The following C18orf54 variants were observed in gnomAD, a reference collection of about 807,000 sequenced individuals.
The protein encoded by C18orf54 is lung adenoma susceptibility protein 2.
In C18orf54, 49 loss-of-function variants were observed where a neutral mutation model predicts 49.3. The observed-to-expected ratio is 0.99, with a 90% CI of 0.79 to 1.26. C18orf54 has a LOEUF of 1.26. Ranked by LOEUF, C18orf54 falls within the 50% of genes most tolerant of loss-of-function variation. The probability of loss-of-function intolerance (pLI) is 0.00; values close to 1 mark genes in which losing one functional copy is unlikely to be tolerated. For missense variants in C18orf54, 687 were observed against 620.6 expected (o/e 1.11, Z -1.14); for synonymous variants, 211 against 216.6 (o/e 0.97, Z 0.23).
chr18:54,363,352 C>G (rs950252700), intron 5 of C18orf54, among the ~76,000 whole-genome samples: 3 of 152,028 alleles, frequency 2.0e-5, no homozygotes, highest in Non-Finnish European at 4.4e-5. Context: ...GAGTCTTGCT[C>G]TGTCACCCAG....
At chr18:54,367,212 G>C (rs1239308440) in intron 6 of C18orf54, among the ~76,000 whole-genome samples, 1 of 151,944 alleles carries the variant, frequency 6.6e-6, no homozygotes, top group African/African-American at 2.4e-5. Flanking sequence ...ACTGTACTCT[G>C]GTCATTTTAT....
At position 54,381,587 on chromosome 18, in the gene C18orf54, A is replaced by G. The variant is rs2089673775; in HGVS notation, c.*3341A>G. ...AGATTCCCCCAAACTTTATATGTGTATTGTCATCTTTGTGCATATTATTTC... is the reference window on the plus strand; with the variant it reads ...AGATTCCCCCAAACTTTATATGTGTGTTGTCATCTTTGTGCATATTATTTC... On this transcript the variant is annotated 3_prime_UTR_variant, in exon 9 of 9. Transcript: ENST00000620105. The G allele has an allele frequency of 6.6e-6, 1 of 152,146 alleles. No homozygotes were observed. Among genetic ancestry groups the G allele is most frequent in the Non-Finnish European group, 1.5e-5 (1 of 68,018 alleles). 9.4% of individuals were successfully genotyped at this position (152,146 alleles called of 1,614,324 possible). A position where few individuals can be genotyped will look rare whatever the true frequency, so the allele number is the denominator to read the frequency against.
intron 7 of C18orf54, among the ~76,000 whole-genome samples, chr18:54,373,681 C>G (rs1397901043): frequency 1.3e-5 from 2 of 151,746 alleles, no homozygotes; most frequent in Non-Finnish European, 3.0e-5. Flanking sequence ...TTGAGACAAA[C>G]TATATAAAGT....
rs748404300 is a variant in C18orf54, at chr18:54,362,387, G to A, written c.1028G>A (p.Cys343Tyr). ...KCDFEHSQCQCENPLLPGQST... is the reference protein window; with the variant it reads ...KCDFEHSQCQYENPLLPGQST... ...GATTTTGAACATAGCCAGTGTCAAT[G>A]TGAGAATCCACTTCTCCCAGGACAA... Residue 343 changes from cysteine (C) to tyrosine (Y), a missense_variant, in exon 4 of 9, where the codon TGT (cysteine) becomes TAT (tyrosine). Transcript: ENST00000620105. 1.0e-5 allele frequency: 16 copies of A among 1,533,052 alleles called. No homozygotes were observed. The South Asian group carries it at 1.8e-4, about 17-fold the overall frequency. 95.0% of individuals were successfully genotyped at this position (1,533,052 alleles called of 1,614,324 possible). A position where few individuals can be genotyped will look rare whatever the true frequency, so the allele number is the denominator to read the frequency against.
intron 8 of C18orf54, among the ~76,000 whole-genome samples, chr18:54,375,299 C>T (rs1000439586): frequency 2.6e-5 from 4 of 151,410 alleles, no homozygotes; most frequent in East Asian, 1.9e-4. Flanking sequence ...TAATACAGAT[C>T]GGAGAATAGG....
At chr18:54,365,273 G>C (rs2089359262) in intron 5 of C18orf54, among the ~76,000 whole-genome samples, 1 of 151,918 alleles carries the variant, frequency 6.6e-6, no homozygotes, top group South Asian at 2.1e-4. Flanking sequence ...AGTTATAAAG[G>C]GGAAGTCTGT....
chr18:54,376,094 A>C (rs573992098), intron 8 of C18orf54, among the ~76,000 whole-genome samples: 2 of 152,356 alleles, frequency 1.3e-5, no homozygotes, highest in South Asian at 4.1e-4. Flanking sequence ...GTTACTGATT[A>C]TACTTTGTAG....
At chr18:54,364,108 TTATATATTTCATATATATATGTTGAGA>T (rs1434505891) in intron 5 of C18orf54, 4 of 144,230 alleles carry the variant, frequency 2.8e-5, no homozygotes, top group African/African-American at 1.0e-4. Context: ...TCATTTCTCC[TTATATATTTCATATATATATGTTGAGA>T]TATATATACA....
Position 54,362,231 on chromosome 18 carries a change from G to T in C18orf54, c.872G>T (p.Arg291Ile). The T allele has an allele frequency of 6.5e-7, 1 of 1,536,364 alleles. No homozygotes were observed. Among genetic ancestry groups the T allele is most frequent in the Non-Finnish European group, 8.7e-7 (1 of 1,146,914 alleles). ...TTTAAAGATGATCAGTGTTCCCCTA[G>T]ACATAGTCATCAGGCACAAGGAACT... is the stretch of plus-strand genomic sequence containing the variant. ...QIFKDDQCSP[R>I]HSHQAQGTSR... is the part of the protein sequence containing the mutation. Residue 291 changes from arginine (R) to isoleucine (I), a missense_variant, in exon 4 of 9, where the codon AGA becomes ATA. Coordinates refer to ENST00000620105, the MANE Select transcript of C18orf54 (RefSeq NM_001288980.2).
intron 6 of C18orf54, among the ~76,000 whole-genome samples, chr18:54,369,466 CTTTTTTT>C (rs140753589): frequency 1.1e-5 from 1 of 89,152 alleles, no homozygotes; most frequent in Non-Finnish European, 2.0e-5. Flanking sequence ...TTGTATATTG[CTTTTTTT>C]TTTTTTTTTT....
At chr18:54,372,099 G>A (rs959205416) in intron 6 of C18orf54, among the ~76,000 whole-genome samples, 13 of 151,968 alleles carry the variant, frequency 8.6e-5, no homozygotes, top group Admixed American at 5.9e-4. Flanking sequence ...TTTAGTCCTT[G>A]ATCAGCTGTA....
chr18:54,379,855 A>T lies in C18orf54; in HGVS notation c.*1609A>T, dbSNP rs994696530. On this transcript the variant is annotated 3_prime_UTR_variant, in exon 9 of 9. Transcript: ENST00000620105. ...TCTAATTGAATATTATATGTTGATC[A>T]TACATAATATATACTATGCCTGGAA... The T allele has an allele frequency of 6.6e-6, 1 of 152,032 alleles. No individual in the cohort carries two copies. The highest frequency in any genetic ancestry group is 2.4e-5 in the African/African-American group (1 of 41,432). The allele number at this position is 152,032 out of a possible 1,614,324, so 9.4% of individuals were successfully genotyped here.
chr18:54,367,340 G>A (rs1403715925), intron 6 of C18orf54, among the ~76,000 whole-genome samples: 3 of 151,944 alleles, frequency 2.0e-5, no homozygotes, highest in Non-Finnish European at 4.4e-5. Flanking sequence ...ATATTTCCAT[G>A]TGTTTTCATG....
intron 3 of C18orf54, 65 bp downstream of exon 3, chr18:54,360,920 A>C (rs1201874151): frequency 5.7e-6 from 8 of 1,412,392 alleles, no homozygotes; most frequent in Non-Finnish European, 7.7e-6. Context: ...GATGTACTGT[A>C]GTATTGTAAA....
At chr18:54,361,616 T>TA in intron 3 of C18orf54, 27 bp from the exon 4 acceptor site, 1 of 1,534,448 alleles carries the variant, frequency 6.5e-7, no homozygotes. Context: ...TTGTATGTAA[T>TA]AAACAAAACT....
intron 8 of C18orf54, 112 bp from the exon 9 acceptor site, chr18:54,378,062 C>G: frequency 1.7e-6 from 1 of 602,368 alleles, no homozygotes; most frequent in Non-Finnish European, 2.6e-6. Context: ...AAATTTACTT[C>G]TCATACCAAT....
rs1221512621 is a variant in C18orf54, at chr18:54,379,653, C to G, written c.*1407C>G. On this transcript the variant is annotated 3_prime_UTR_variant, in exon 9 of 9. Transcript: ENST00000620105. ...TATAGTCTGCTTCATAGAAAATAGC[C>G]TGCATAATCAAACAAGGAGTTACTT... is the stretch of plus-strand genomic sequence containing the variant. 6.6e-6 allele frequency: 1 copy of G among 151,810 alleles called. No homozygotes were observed. Among genetic ancestry groups the G allele is most frequent in the Non-Finnish European group, 1.5e-5 (1 of 67,898 alleles). 9.4% of individuals were successfully genotyped at this position (151,810 alleles called of 1,614,324 possible). A position where few individuals can be genotyped will look rare whatever the true frequency, so the allele number is the denominator to read the frequency against.
At chr18:54,363,067 T>G in intron 5 of C18orf54, 146 bp downstream of exon 5, 1 of 761,594 alleles carries the variant, frequency 1.3e-6, no homozygotes, top group Non-Finnish European at 2.0e-6. Flanking sequence ...AAATTGCATT[T>G]TTCATTTATT....
rs1221644549 is a variant in C18orf54 at position 54,357,984 on chromosome 18, G to C, written c.-235G>C. 1 of 152,826 alleles carries C rather than the reference G, an allele frequency of 6.5e-6. No individual in the cohort carries two copies. The highest frequency in any genetic ancestry group is 1.5e-5 in the Non-Finnish European group (1 of 68,406). 9.5% of individuals were successfully genotyped at this position (152,826 alleles called of 1,614,324 possible). On this transcript the variant is annotated 5_prime_UTR_variant, in exon 1 of 9. Transcript: ENST00000620105. ...GCGGAGGAAGCTGCGAGTGAGCCGA[G>C]CCTGAGGCGGGGCGGTGTCCGGGTT...
Sources: gnomAD v4.1 joint callset for allele counts (sites outside exome capture counted in the v4.1 genomes callset) on GRCh38, gnomAD v4.1.1 for gene constraint, MANE v1.5 for transcripts, NCBI Gene and HGNC (gene_info 2026-07-23, HGNC 2026-07-21) for gene names.